CUX2: variants seen among roughly 807,000 people sequenced by gnomAD.
CUX2 encodes cut like homeobox 2, also known as homeobox protein cut-like 2.
A neutral mutation model predicts 144.8 loss-of-function variants in CUX2; 40 were observed. The ratio of observed to expected loss-of-function variants is 0.28; its 90% CI spans 0.21 to 0.36. The LOEUF is 0.36. Ranked by LOEUF, CUX2 falls within the 10% of genes least tolerant of loss-of-function variation. The pLI is 1.00. For missense variants in CUX2, 1,615 were observed against 1,994.0 expected (o/e 0.81, Z 3.62); for synonymous variants, 827 against 875.6 (o/e 0.94, Z 0.98).
rs1888926080 is a variant in CUX2 at position 111,348,564 on chromosome 12, C to T, written c.*239C>T. ...CCTGCTCCTCTTCACCCTGACCCCTCTGCAGGAGGCAGAAGCAAAATGGCA... is the reference window on the plus strand; with the variant it reads ...CCTGCTCCTCTTCACCCTGACCCCTTTGCAGGAGGCAGAAGCAAAATGGCA... On this transcript the variant is annotated 3_prime_UTR_variant, in exon 22 of 22. Transcript: ENST00000261726. 2.2e-6 allele frequency: 1 copy of T among 458,192 alleles called. No individual in the cohort carries two copies. Among genetic ancestry groups the T allele is most frequent in the African/African-American group, 2.0e-5 (1 of 50,764 alleles). The allele number at this position is 458,192 out of a possible 1,614,324, so 28.4% of individuals were successfully genotyped here. A position where few individuals can be genotyped will look rare whatever the true frequency, so the allele number is the denominator to read the frequency against.
chr12:111,228,136 C>A (rs1477532241), intron 3 of CUX2, among the ~76,000 whole-genome samples: 1 of 152,188 alleles, frequency 6.6e-6, no homozygotes, highest in Non-Finnish European at 1.5e-5. Flanking sequence ...AAGACACATG[C>A]TCCTGTCTCT....
intron 1 of CUX2, among the ~76,000 whole-genome samples, chr12:111,041,819 G>A (rs1399249868): frequency 2.0e-5 from 3 of 152,312 alleles, no homozygotes; most frequent in East Asian, 3.9e-4. Flanking sequence ...GCCACAGGCC[G>A]CACCTTCCCA....
At chr12:111,132,122 G>A (rs1005907167) in intron 1 of CUX2, among the ~76,000 whole-genome samples, 6 of 152,210 alleles carry the variant, frequency 3.9e-5, no homozygotes, top group Non-Finnish European at 7.3e-5. Flanking sequence ...AAATCTCGAT[G>A]GAAGTTCCCA....
chr12:111,237,167 AAAAAT>A (rs549142567), intron 3 of CUX2, among the ~76,000 whole-genome samples: 32 of 152,332 alleles, frequency 2.1e-4, no homozygotes, highest in African/African-American at 7.5e-4. Flanking sequence ...ATAATAAAAT[AAAAAT>A]AAAAGAGGCA....
chr12:111,037,680 G>T lies in CUX2; in HGVS notation c.63+3440G>T, dbSNP rs1024760995. 1.3e-5 allele frequency among the ~76,000 whole-genome samples: 2 copies of T among 152,166 alleles called. No individual in the cohort carries two copies. ...TCATTTGGTTATAAGATTGCTTTAT[G>T]GTGAACATTACTAATGCAGTATTTT... is the stretch of plus-strand genomic sequence containing the variant. On this transcript the variant is annotated intron_variant, in intron 1 of 21. Transcript: ENST00000261726. The surrounding 1 kb of genome is among the most constrained non-coding windows in gnomAD (Gnocchi z 5.4).
At chr12:111,314,874 CAA>C (rs1408333453) in intron 16 of CUX2, among the ~76,000 whole-genome samples, 1 of 151,874 alleles carries the variant, frequency 6.6e-6, no homozygotes, top group East Asian at 1.9e-4. Flanking sequence ...AATAACTAGC[CAA>C]AGTCTCCCAC....
intron 18 of CUX2, among the ~76,000 whole-genome samples, chr12:111,327,478 C>A (rs758224405): frequency 1.3e-5 from 2 of 152,152 alleles, no homozygotes; most frequent in Non-Finnish European, 2.9e-5. Context: ...CAGGTCCTTA[C>A]CAACATGGGT....
intron 1 of CUX2, among the ~76,000 whole-genome samples, chr12:111,046,859 G>A (rs989327802): frequency 1.3e-5 from 2 of 152,206 alleles, no homozygotes; most frequent in Non-Finnish European, 2.9e-5. Flanking sequence ...GTTTCACCAC[G>A]TCGGCCAGGC....
chr12:111,170,142 A>G (rs1197307089), intron 1 of CUX2, among the ~76,000 whole-genome samples: 1 of 152,192 alleles, frequency 6.6e-6, no homozygotes, highest in Non-Finnish European at 1.5e-5. Context: ...GGATGAGAGT[A>G]TTAAGAACAA....
chr12:111,144,950 A>C (rs1267598204), intron 1 of CUX2, among the ~76,000 whole-genome samples: 1 of 152,086 alleles, frequency 6.6e-6, no homozygotes, highest in Non-Finnish European at 1.5e-5. Context: ...ACCGTCTTCC[A>C]CCTGGGATAG....
At position 111,172,271 on chromosome 12, in the gene CUX2, A is replaced by G. The variant is rs75934574; in HGVS notation, c.64-41929A>G. On this transcript the variant is annotated intron_variant, in intron 1 of 21. Coordinates refer to ENST00000261726, the MANE Select transcript of CUX2 (RefSeq NM_015267.4). ...GACGCAGAGCATCTGAACCAGAACTAAATAAAAATAAACATTAAACAATTA... is the reference window on the plus strand; with the variant it reads ...GACGCAGAGCATCTGAACCAGAACTGAATAAAAATAAACATTAAACAATTA... Among the ~76,000 whole-genome samples, 315 of 152,334 alleles carry G rather than the reference A, an allele frequency of 2.1e-3. 3 individuals carry two copies. Among genetic ancestry groups the G allele is most frequent in the African/African-American group, 7.4e-3 (306 of 41,576 alleles).
chr12:111,125,269 T>G (rs543259660), intron 1 of CUX2, among the ~76,000 whole-genome samples: 2 of 151,514 alleles, frequency 1.3e-5, no homozygotes, highest in South Asian at 4.2e-4. Flanking sequence ...AACCTCCGCC[T>G]CTTGGGTTCA....
At chr12:111,227,718 G>A (rs1882228405) in intron 3 of CUX2, among the ~76,000 whole-genome samples, 1 of 152,096 alleles carries the variant, frequency 6.6e-6, no homozygotes, top group African/African-American at 2.4e-5. Context: ...CTCCCCTAGA[G>A]GGCACACCCC....
At position 111,312,339 on chromosome 12, in the gene CUX2, T is replaced by TA; in HGVS notation, c.2002+139dup. The TA allele has an allele frequency of 1.5e-6, 1 of 656,654 alleles. No homozygotes were observed. The highest frequency in any genetic ancestry group is 3.9e-4 in the Middle Eastern group (1 of 2,590). 40.7% of individuals were successfully genotyped at this position (656,654 alleles called of 1,614,324 possible). A position where few individuals can be genotyped will look rare whatever the true frequency, so the allele number is the denominator to read the frequency against. On this transcript the variant is annotated intron_variant, in intron 16 of 21. Transcript: ENST00000261726. The surrounding 1 kb of genome is among the most constrained non-coding windows in gnomAD (Gnocchi z 4.3). The stretch of plus-strand genomic sequence containing the variant: ...CCACCAGAGGCCAGAGGGACCTGTC[T>TA]AGAGCGCATGGGTAGCTGTGGCACT...
intron 1 of CUX2, among the ~76,000 whole-genome samples, chr12:111,078,652 C>T (rs897965354): frequency 2.0e-5 from 3 of 151,926 alleles, no homozygotes; most frequent in Non-Finnish European, 2.9e-5. Flanking sequence ...CCTGGGCGAC[C>T]GAGAAAGATC....
intron 18 of CUX2, among the ~76,000 whole-genome samples, chr12:111,328,941 A>ATCTCTCCCTCTCTCTCTC (rs1887949182): frequency 2.8e-4 from 8 of 28,996 alleles, no homozygotes; most frequent in South Asian, 8.1e-3. Flanking sequence ...TGATTCACCT[A>ATCTCTCCCTCTCTCTCTC]TCTCTCTCTC....
intron 1 of CUX2, among the ~76,000 whole-genome samples, chr12:111,141,690 G>A (rs1876327959): frequency 6.6e-6 from 1 of 152,178 alleles, no homozygotes. Flanking sequence ...GAGCTCCCAA[G>A]TCATGTGTCC....
intron 20 of CUX2, among the ~76,000 whole-genome samples, chr12:111,339,059 C>T (rs1441091812): frequency 6.6e-6 from 1 of 151,908 alleles, no homozygotes; most frequent in Non-Finnish European, 1.5e-5. Flanking sequence ...ATGGCAAAAC[C>T]CTGTCTCTAC....
chr12:111,209,377 G>A (rs563489627), intron 1 of CUX2, among the ~76,000 whole-genome samples: 90 of 152,256 alleles, frequency 5.9e-4, no homozygotes, highest in South Asian at 1.9e-3. Flanking sequence ...CTGGGTGACA[G>A]AGCAAGACCC....
Sources: gnomAD v4.1 joint callset for allele counts (sites outside exome capture counted in the v4.1 genomes callset) on GRCh38, gnomAD v4.1.1 for gene constraint, Gnocchi (gnomAD v3.1) non-coding constraint, MANE v1.5 for transcripts, NCBI Gene and HGNC (gene_info 2026-07-23, HGNC 2026-07-21) for gene names.